The following SPOCK1 variants were observed in gnomAD, a reference collection of about 807,000 sequenced individuals.
SPOCK1 encodes the protein SPARC (osteonectin), cwcv and kazal like domains proteoglycan 1, also known as testican-1.
Under a neutral mutation model 55.3 loss-of-function variants are expected in SPOCK1, and 23 were observed. The observed-to-expected ratio is 0.42, with a 90% CI of 0.30 to 0.59. The LOEUF (loss-of-function observed/expected upper bound fraction) is 0.59. Ranked by LOEUF, SPOCK1 falls within the 20% of genes least tolerant of loss-of-function variation. SPOCK1 has a pLI of 0.22. For synonymous variants in SPOCK1, 226 were observed against 221.0 expected (o/e 1.02, Z -0.20); for missense variants, 499 against 552.5 (o/e 0.90, Z 0.97).
chr5:136,988,113 T>C (rs765079169), intron 8 of SPOCK1, among the ~76,000 whole-genome samples: 26 of 152,194 alleles, frequency 1.7e-4, no homozygotes, highest in Non-Finnish European at 3.5e-4. Flanking sequence ...ACAGTGACCT[T>C]TGGATTATGT....
At chr5:137,336,119 C>T (rs1257663916) in intron 2 of SPOCK1, among the ~76,000 whole-genome samples, 1 of 152,146 alleles carries the variant, frequency 6.6e-6, no homozygotes, top group East Asian at 1.9e-4. Flanking sequence ...GGAGTTTCTC[C>T]ATCCTTGGTG....
At chr5:137,211,681 T>TC (rs1295798801) in intron 3 of SPOCK1, among the ~76,000 whole-genome samples, 1 of 152,080 alleles carries the variant, frequency 6.6e-6, no homozygotes, top group Non-Finnish European at 1.5e-5. Context: ...GGACTTTCAG[T>TC]CCCACCCCAA....
At chr5:137,341,786 C>T (rs1469875065) in intron 2 of SPOCK1, among the ~76,000 whole-genome samples, 1 of 152,192 alleles carries the variant, frequency 6.6e-6, no homozygotes, top group Non-Finnish European at 1.5e-5. Context: ...TCCATGTTTA[C>T]AACGATGTGG....
intron 2 of SPOCK1, among the ~76,000 whole-genome samples, chr5:137,495,063 T>C (rs183622006): frequency 7.4e-4 from 112 of 152,310 alleles, no homozygotes; most frequent in African/African-American, 2.5e-3. Context: ...AACTTCCCAA[T>C]TGCTAGTGTT....
intron 3 of SPOCK1, among the ~76,000 whole-genome samples, chr5:137,257,090 C>T (rs1458059958): frequency 1.3e-5 from 2 of 152,208 alleles, no homozygotes; most frequent in Non-Finnish European, 2.9e-5. Flanking sequence ...CCCACCACTC[C>T]CAGTGTTACT....
chr5:137,149,321 C>A (rs1754268057), intron 3 of SPOCK1, among the ~76,000 whole-genome samples: 2 of 152,122 alleles, frequency 1.3e-5, no homozygotes, highest in Admixed American at 6.5e-5. Context: ...AAGATATCAT[C>A]CACAGAGAAG....
chr5:137,343,410 C>T (rs1354756234), intron 2 of SPOCK1, among the ~76,000 whole-genome samples: 1 of 152,196 alleles, frequency 6.6e-6, no homozygotes, highest in Non-Finnish European at 1.5e-5. Flanking sequence ...ACTTTCAGTG[C>T]CCTGGAGATG....
chr5:137,156,120 G>A (rs1391843183), intron 3 of SPOCK1, among the ~76,000 whole-genome samples: 1 of 152,172 alleles, frequency 6.6e-6, no homozygotes, highest in Non-Finnish European at 1.5e-5. Context: ...GGCCCCTGGG[G>A]TGCATTCCTG....
intron 3 of SPOCK1, 68 bp from the exon 4 acceptor site, chr5:137,140,762 T>TC (rs1322933016): frequency 1.3e-4 from 141 of 1,124,386 alleles, no homozygotes; most frequent in Admixed American, 4.6e-4. Flanking sequence ...TTTTTTTTTT[T>TC]TTTTTTTTTT....
chr5:137,088,575 C>A (rs1753001475), intron 5 of SPOCK1, among the ~76,000 whole-genome samples: 2 of 152,172 alleles, frequency 1.3e-5, no homozygotes. Context: ...TCTCACCCAC[C>A]TTCACCCCCA....
At chr5:137,050,914 C>T (rs1369490042) in intron 6 of SPOCK1, among the ~76,000 whole-genome samples, 2 of 152,206 alleles carry the variant, frequency 1.3e-5, no homozygotes, top group African/African-American at 2.4e-5. Flanking sequence ...AAACTGCAGA[C>T]GTTTTCCAAG....
chr5:137,067,967 C>T lies in SPOCK1; in HGVS notation c.475-138G>A, dbSNP rs76572993. 2.2e-5 allele frequency: 14 copies of T among 624,172 alleles called. No individual in the cohort carries two copies. In the East Asian group the frequency reaches 2.4e-4, roughly 11 times the overall value. 38.7% of individuals were successfully genotyped at this position (624,172 alleles called of 1,614,324 possible). On this transcript the variant is annotated intron_variant, in intron 5 of 10. Coordinates refer to ENST00000394945, the MANE Select transcript of SPOCK1 (RefSeq NM_004598.4). Reference sequence around the variant, plus strand: ...AGAGGTCGACCTCAGGTAGAGGTCTCAATTACAGAATACTAAATAAGAAAT... The same window carrying T: ...AGAGGTCGACCTCAGGTAGAGGTCTTAATTACAGAATACTAAATAAGAAAT...
At chr5:137,410,488 A>G (rs1169783652) in intron 2 of SPOCK1, among the ~76,000 whole-genome samples, 3 of 152,252 alleles carry the variant, frequency 2.0e-5, no homozygotes, top group Non-Finnish European at 4.4e-5. Context: ...GTTGATAATC[A>G]TCTCATTGGC....
At chr5:137,488,616 C>T (rs1754110027) in intron 2 of SPOCK1, among the ~76,000 whole-genome samples, 1 of 152,188 alleles carries the variant, frequency 6.6e-6, no homozygotes, top group Non-Finnish European at 1.5e-5. Flanking sequence ...TAGAGCGTGA[C>T]TCCATTTGCA....
At chr5:137,371,025 C>T (rs1346831249) in intron 2 of SPOCK1, among the ~76,000 whole-genome samples, 3 of 152,212 alleles carry the variant, frequency 2.0e-5, no homozygotes, top group African/African-American at 7.2e-5. Context: ...GTTCCAGAAC[C>T]CAGTTCAGCC....
At chr5:137,070,576 T>C (rs567493702) in intron 5 of SPOCK1, among the ~76,000 whole-genome samples, 71 of 152,206 alleles carry the variant, frequency 4.7e-4, no homozygotes, top group Non-Finnish European at 9.0e-4. Flanking sequence ...CTTACCAATC[T>C]GCCTGCACAA....
chr5:137,149,923 A>G (rs1754282094), intron 3 of SPOCK1, among the ~76,000 whole-genome samples: 2 of 152,182 alleles, frequency 1.3e-5, no homozygotes, highest in Non-Finnish European at 2.9e-5. Context: ...AGGCAAACAG[A>G]TCCACTTTAC....
chr5:137,323,138 C>T (rs1580866585), intron 2 of SPOCK1, among the ~76,000 whole-genome samples: 1 of 152,150 alleles, frequency 6.6e-6, no homozygotes, highest in Non-Finnish European at 1.5e-5. Flanking sequence ...TTTTGGGGAA[C>T]ATATTCAAGC....
intron 3 of SPOCK1, among the ~76,000 whole-genome samples, chr5:137,142,603 G>A (rs988983131): frequency 6.6e-6 from 1 of 152,210 alleles, no homozygotes; most frequent in Non-Finnish European, 1.5e-5. Context: ...AAAGAAACAG[G>A]CTGTGAGATA....
Sources: gnomAD v4.1 joint callset for allele counts (sites outside exome capture counted in the v4.1 genomes callset) on GRCh38, gnomAD v4.1.1 for gene constraint, MANE v1.5 for transcripts, NCBI Gene and HGNC (gene_info 2026-07-23, HGNC 2026-07-21) for gene names.